The following PIP4K2A variants were observed in gnomAD, a reference collection of about 807,000 sequenced individuals.
The protein encoded by PIP4K2A is phosphatidylinositol 5-phosphate 4-kinase type-2 alpha.
A neutral mutation model predicts 42.9 loss-of-function variants in PIP4K2A; 14 were observed. The observed-to-expected ratio is 0.33, with a 90% CI of 0.22 to 0.51. PIP4K2A has a LOEUF of 0.51. PIP4K2A is among the 20% of genes least tolerant of loss of function. The probability of loss-of-function intolerance (pLI) is 0.97; values close to 1 mark genes in which losing one functional copy is unlikely to be tolerated. For missense variants in PIP4K2A, 434 were observed against 519.8 expected, an observed-to-expected ratio of 0.83 and a Z score of 1.61; for synonymous variants, 192 against 192.2, an observed-to-expected ratio of 1.00 and a Z score of 0.01.
At chr10:22,691,534 T>C (rs150451862) in intron 1 of PIP4K2A, 71 of 152,350 alleles carry the variant, frequency 4.7e-4, no homozygotes, top group African/African-American at 1.7e-3. Flanking sequence ...CCTTACTTTT[T>C]ATCATAAAAT....
chr10:22,664,052 T>C (rs1298292273), intron 1 of PIP4K2A, among the ~76,000 whole-genome samples: 9 of 85,948 alleles, frequency 1.0e-4, no homozygotes, highest in African/African-American at 7.9e-4. Context: ...TATATACATA[T>C]GTATATATAC....
intron 3 of PIP4K2A, among the ~76,000 whole-genome samples, chr10:22,598,968 T>C (rs996599398): frequency 1.3e-5 from 2 of 152,084 alleles, no homozygotes; most frequent in Non-Finnish European, 2.9e-5. Flanking sequence ...CGAAATTAGT[T>C]AAAGTCACCT....
chr10:22,563,876 T>C lies in PIP4K2A; in HGVS notation c.678+3975A>G, dbSNP rs138945101. On this transcript the variant is annotated intron_variant, in intron 6 of 9. Transcript: ENST00000376573. ...GTACAATTTAAAACGGTCTGGCATA[T>C]AGTTTGTACTCAACCAGTGCCAGTT... is the stretch of plus-strand genomic sequence containing the variant. 8.1e-3 allele frequency among the ~76,000 whole-genome samples: 1,238 copies of C among 152,330 alleles called. 18 individuals carry two copies. The highest frequency in any genetic ancestry group is 0.051 in the Middle Eastern group (15 of 294).
intron 9 of PIP4K2A, 44 bp downstream of exon 9, chr10:22,539,927 G>T (rs773218366): frequency 1.4e-5 from 14 of 1,014,252 alleles, no homozygotes; most frequent in African/African-American, 3.3e-5. Context: ...GAGAGAGAGA[G>T]AGAGGGAGAG....
At chr10:22,604,931 T>C (rs1283403320) in intron 3 of PIP4K2A, among the ~76,000 whole-genome samples, 1 of 152,174 alleles carries the variant, frequency 6.6e-6, no homozygotes, top group Admixed American at 6.5e-5. Flanking sequence ...GCCGCCTGAA[T>C]CCCTGCAGTA....
At chr10:22,665,783 T>A (rs1288278316) in intron 1 of PIP4K2A, among the ~76,000 whole-genome samples, 1 of 151,848 alleles carries the variant, frequency 6.6e-6, no homozygotes, top group East Asian at 1.9e-4. Context: ...CAATATACTA[T>A]GATGCTATAA....
intron 1 of PIP4K2A, among the ~76,000 whole-genome samples, chr10:22,673,466 T>A (rs1839494675): frequency 6.6e-6 from 1 of 152,090 alleles, no homozygotes; most frequent in Admixed American, 6.5e-5. Flanking sequence ...GGGTCTTGCA[T>A]CAAGCCCAGG....
At chr10:22,617,619 T>C (rs1241863852) in intron 1 of PIP4K2A, among the ~76,000 whole-genome samples, 3 of 152,224 alleles carry the variant, frequency 2.0e-5, no homozygotes, top group Non-Finnish European at 2.9e-5. Context: ...AATCTGATTA[T>C]AATGAAGACA....
chr10:22,539,920 A>AGG (rs1554792187), intron 9 of PIP4K2A, 51 bp downstream of exon 9: 26 of 970,230 alleles, frequency 2.7e-5, no homozygotes, highest in Middle Eastern at 4.3e-4. Flanking sequence ...AGGGAGAGAG[A>AGG]GAGAGAGAGA....
At chr10:22,701,055 C>T (rs1442879039) in intron 1 of PIP4K2A, among the ~76,000 whole-genome samples, 5 of 152,068 alleles carry the variant, frequency 3.3e-5, no homozygotes, top group Admixed American at 2.0e-4. Context: ...TTTTCTCCAG[C>T]TTCTCCATCC....
At chr10:22,586,625 G>A (rs1331657901) in intron 4 of PIP4K2A, among the ~76,000 whole-genome samples, 6 of 152,108 alleles carry the variant, frequency 3.9e-5, no homozygotes, top group Non-Finnish European at 5.9e-5. Flanking sequence ...CCACCTCCTG[G>A]GTTCAAGCGA....
intron 1 of PIP4K2A, among the ~76,000 whole-genome samples, chr10:22,645,274 G>A (rs1838857290): frequency 6.6e-6 from 1 of 152,184 alleles, no homozygotes; most frequent in Non-Finnish European, 1.5e-5. Flanking sequence ...GGCCAGCCAC[G>A]ATGGCTCACG....
intron 3 of PIP4K2A, among the ~76,000 whole-genome samples, chr10:22,594,141 C>A (rs1049283474): frequency 6.6e-6 from 1 of 152,148 alleles, no homozygotes; most frequent in African/African-American, 2.4e-5. Flanking sequence ...GCAGACCACA[C>A]ATGAGAACCA....
intron 6 of PIP4K2A, among the ~76,000 whole-genome samples, chr10:22,563,427 A>G (rs963115364): frequency 6.6e-6 from 1 of 152,248 alleles, no homozygotes; most frequent in Admixed American, 6.5e-5. Flanking sequence ...GAGGAAATAC[A>G]AATTGTTTTG....
intron 5 of PIP4K2A, among the ~76,000 whole-genome samples, chr10:22,572,190 G>A (rs1837005805): frequency 6.6e-6 from 1 of 152,202 alleles, no homozygotes; most frequent in Admixed American, 6.5e-5. Context: ...CAGTCAGTGG[G>A]TAAACGTTTT....
intron 6 of PIP4K2A, among the ~76,000 whole-genome samples, chr10:22,556,459 T>C (rs549035303): frequency 2.6e-5 from 4 of 152,348 alleles, no homozygotes; most frequent in African/African-American, 9.6e-5. Flanking sequence ...ACTGGTTAAA[T>C]TCCTGAAGTA....
rs372179605 is a variant in PIP4K2A at position 22,678,511 on chromosome 10, A to AAAAT, written c.144+35668_144+35671dup. Reference sequence around the variant, plus strand: ...TGTTTTACTTCCTTGAAGACAGTAAAAAATAAATAAATAAATAAATAAAAA... The same window carrying AAAAT: ...TGTTTTACTTCCTTGAAGACAGTAAAAAATAAATAAATAAATAAATAAATAAAAA... On this transcript the variant is annotated intron_variant, in intron 1 of 9. Transcript: ENST00000376573. Among the ~76,000 whole-genome samples, 1,092 of 152,232 alleles carry AAAAT rather than the reference A, an allele frequency of 7.2e-3. 6 individuals carry two copies. The highest frequency in any genetic ancestry group is 0.02 in the African/African-American group (828 of 41,540).
At chr10:22,591,867 A>G (rs1250232242) in intron 3 of PIP4K2A, 86 bp from the exon 4 acceptor site, 2 of 1,212,932 alleles carry the variant, frequency 1.6e-6, no homozygotes, top group East Asian at 2.6e-5. Context: ...ATAATTTGTC[A>G]TCATTGCAAG....
chr10:22,710,989 C>A (rs184201183), intron 1 of PIP4K2A, among the ~76,000 whole-genome samples: 1 of 152,296 alleles, frequency 6.6e-6, no homozygotes, highest in Admixed American at 6.5e-5. Flanking sequence ...AAAATATCAT[C>A]TTAAGACGCT....
Sources: gnomAD v4.1 joint callset for allele counts (sites outside exome capture counted in the v4.1 genomes callset) on GRCh38, gnomAD v4.1.1 for gene constraint, MANE v1.5 for transcripts, NCBI Gene and HGNC (gene_info 2026-07-23, HGNC 2026-07-21) for gene names.